The following CENPF variants were observed in gnomAD, a reference collection of about 807,000 sequenced individuals.
The protein encoded by CENPF is AH antigen.
CENPF carries 214 observed loss-of-function variants against 307.3 expected under a neutral mutation model. The observed-to-expected ratio is 0.70, with a 90% CI of 0.62 to 0.78. The LOEUF (loss-of-function observed/expected upper bound fraction) is 0.78. Ranked by LOEUF, CENPF falls within the 30% of genes least tolerant of loss-of-function variation. CENPF has a pLI of 0.00. For synonymous variants in CENPF, 1,259 were observed against 1,270.6 expected, an observed-to-expected ratio of 0.99 and a Z score of 0.19; for missense variants, 3,401 against 3,483.9, an observed-to-expected ratio of 0.98 and a Z score of 0.60.
chr1:214,634,753 C>T (rs2102552459), intron 10 of CENPF, among the ~76,000 whole-genome samples: 1 of 152,314 alleles, frequency 6.6e-6, no homozygotes, highest in African/African-American at 2.4e-5. Flanking sequence ...TGAGATTTCT[C>T]ATATTTATAA....
rs200203293 is a variant in CENPF at position 214,619,122 on chromosome 1, T to A, written c.482-7T>A. On this transcript the variant is annotated splice_polypyrimidine_tract_variant and splice_region_variant and intron_variant, in intron 4 of 19. Transcript: ENST00000366955. Reference sequence around the variant, plus strand: ...AAAGAAAACTGTATTTGATTGTCTGTTTCTAGGTTCCAAGTATGAAGATCT... The same window carrying A: ...AAAGAAAACTGTATTTGATTGTCTGATTCTAGGTTCCAAGTATGAAGATCT... 7 of 1,333,998 alleles carry A rather than the reference T, an allele frequency of 5.2e-6. No homozygotes were observed. The African/African-American group carries it at 8.8e-5, about 17-fold the overall frequency. The allele number at this position is 1,333,998 out of a possible 1,614,324, so 82.6% of individuals were successfully genotyped here.
intron 8 of CENPF, among the ~76,000 whole-genome samples, chr1:214,630,130 A>G (rs1657764731): frequency 6.6e-6 from 1 of 151,304 alleles, no homozygotes; most frequent in Non-Finnish European, 1.5e-5. Context: ...ATTTAAGCCC[A>G]TTTAAAGTGG....
chr1:214,648,478 T>A (rs778255907), intron 13 of CENPF, 197 bp from the exon 14 acceptor site: 12 of 745,400 alleles, frequency 1.6e-5, no homozygotes, highest in Non-Finnish European at 2.9e-5. Flanking sequence ...TATTAAATCT[T>A]TTCTGGGAAG....
chr1:214,629,136 C>G lies in CENPF; in HGVS notation c.1159C>G (p.Gln387Glu), dbSNP rs202217426. ...NAESARCSLEQKIKEKEKEFQ... is the reference protein window; with the variant it reads ...NAESARCSLEEKIKEKEKEFQ... ...AGAAAGTGCCAGATGTTCTCTGGAACAGAAAATTAAGGAAAAAGAAAAGGA... is the reference window on the plus strand; with the variant it reads ...AGAAAGTGCCAGATGTTCTCTGGAAGAGAAAATTAAGGAAAAAGAAAAGGA... The change falls in exon 8 of 20, where the codon CAG becomes GAG. Residue 387 changes from glutamine (Q) to glutamate (E), a missense_variant. Transcript: ENST00000366955. 2.5e-4 allele frequency: 401 copies of G among 1,607,802 alleles called. No individual in the cohort carries two copies. The highest frequency in any genetic ancestry group is 1.2e-3 in the Middle Eastern group (7 of 6,042).
Position 214,663,822 on chromosome 1 carries a change from G to GA in CENPF, c.*29dup. ...GCACTTTGTGTGTCAGTACCCCTGGGAGGTGCCAGTCATTGAATAGATAAG... is the reference window on the plus strand; with the variant it reads ...GCACTTTGTGTGTCAGTACCCCTGGGAAGGTGCCAGTCATTGAATAGATAAG... On this transcript the variant is annotated 3_prime_UTR_variant, in exon 20 of 20. Transcript: ENST00000366955. The GA allele has an allele frequency of 6.3e-7, 1 of 1,585,940 alleles. No individual in the cohort carries two copies. Among genetic ancestry groups the GA allele is most frequent in the Non-Finnish European group, 8.6e-7 (1 of 1,157,614 alleles).
In CENPF at chr1:214,644,880, T is replaced by A. The variant is rs3748693; in HGVS notation, c.5310T>A (p.His1770Gln). ...MDFLGNQEDI[H>Q]NLQLRVKETS... The stretch of plus-strand genomic sequence containing the variant: ...TCCTGGGGAATCAGGAAGATATCCA[T>A]AATCTTCAACTGCGGGTAAAAGAGA... The change falls in exon 13 of 20, where the codon CAT (histidine) becomes CAA (glutamine). Residue 1770 changes from histidine (H) to glutamine (Q), a missense_variant. His to Gln is a conservative substitution (Grantham distance 24). Coordinates refer to ENST00000366955, the MANE Select transcript of CENPF (RefSeq NM_016343.4). The A allele has an allele frequency of 0.12, 186,610 of 1,613,562 alleles. 17,039 individuals carry two copies. Among genetic ancestry groups the A allele is most frequent in the African/African-American group, 0.45 (33,486 of 74,908 alleles).
At chr1:214,634,921 C>T (rs558969871) in intron 10 of CENPF, among the ~76,000 whole-genome samples, 3 of 152,294 alleles carry the variant, frequency 2.0e-5, no homozygotes, top group South Asian at 4.1e-4. Flanking sequence ...ACATGCTGCT[C>T]ACAATGAGAA....
chr1:214,606,559 C>T (rs1334769096), intron 1 of CENPF, among the ~76,000 whole-genome samples: 1 of 152,208 alleles, frequency 6.6e-6, no homozygotes, highest in Non-Finnish European at 1.5e-5. Flanking sequence ...ATGAGGAATT[C>T]AGGCAGCTGT....
At chr1:214,630,147 G>GT (rs1319944309) in intron 8 of CENPF, among the ~76,000 whole-genome samples, 2 of 152,284 alleles carry the variant, frequency 1.3e-5, no homozygotes, top group South Asian at 4.1e-4. Context: ...GTGGTATACA[G>GT]TTTTTTGTGT....
chr1:214,657,672 GA>G (rs1230500565), intron 18 of CENPF, among the ~76,000 whole-genome samples: 1 of 152,136 alleles, frequency 6.6e-6, no homozygotes, highest in Admixed American at 6.5e-5. Context: ...TTTGAATGCT[GA>G]AAAAAATTAT....
Position 214,642,527 on chromosome 1 carries a change from G to T in CENPF, c.4189G>T (p.Asp1397Tyr), listed in dbSNP as rs1224253248. 1 of 1,612,162 alleles carries T rather than the reference G, an allele frequency of 6.2e-7. No individual in the cohort carries two copies. Reference protein sequence around the residue: ...SNSYEHLTLSDKEVQMHFAEL... With the variant: ...SNSYEHLTLSYKEVQMHFAEL... ...TTCCTACGAGCACTTGACATTGTCA[G>T]ACAAAGAAGTTCAAATGCACTTTGC... is the stretch of plus-strand genomic sequence containing the variant. Residue 1397 changes from aspartate (D) to tyrosine (Y), a missense_variant, in exon 12 of 20, where the codon GAC (aspartate) becomes TAC (tyrosine). Transcript: ENST00000366955.
chr1:214,662,056 A>AT (rs1658800087), intron 19 of CENPF, among the ~76,000 whole-genome samples: 1 of 152,178 alleles, frequency 6.6e-6, no homozygotes, highest in Non-Finnish European at 1.5e-5. Flanking sequence ...AGTATCAGAA[A>AT]TTGAGTCTAG....
intron 10 of CENPF, among the ~76,000 whole-genome samples, chr1:214,636,702 C>A (rs923494340): frequency 1.1e-4 from 16 of 152,306 alleles, no homozygotes; most frequent in African/African-American, 3.8e-4. Context: ...TGTTTTCTAA[C>A]AGTGCAGTAG....
rs1308074829 is a variant in CENPF at position 214,640,642 on chromosome 1, A to G, written c.2304A>G (p.Lys768=). ...ATGAGAGCCTCAGGGATCTGCTAAA[A>G]TCCAAAGATGCTTCTCTGGTGACAA... is the stretch of plus-strand genomic sequence containing the variant. ...AEYESLRDLL[K]SKDASLVTNE... is the part of the protein sequence containing the mutation. Residue 768 remains lysine (K), a synonymous_variant, in exon 12 of 20, where the codon AAA becomes AAG. Coordinates refer to ENST00000366955, the MANE Select transcript of CENPF (RefSeq NM_016343.4). 1 of 1,614,148 alleles carries G rather than the reference A, an allele frequency of 6.2e-7. No homozygotes were observed. Among genetic ancestry groups the G allele is most frequent in the South Asian group, 1.1e-5 (1 of 91,076 alleles).
In CENPF at chr1:214,641,706, G is replaced by A. The variant is rs759811640; in HGVS notation, c.3368G>A (p.Ser1123Asn). ...EMTDNQNNSK[S>N]EAGGLKQEIM... ...ACAGATAACCAAAACAATTCTAAGA[G>A]CGAGGCTGGTGGTTTAAAGCAAGAA... Residue 1123 changes from serine (S) to asparagine (N), a missense_variant, in exon 12 of 20, where the codon AGC (serine) becomes AAC (asparagine). By Grantham distance (46) the Ser-to-Asn change is conservative. Transcript: ENST00000366955. 2 of 1,581,518 alleles carry A rather than the reference G, an allele frequency of 1.3e-6. No homozygotes were observed. The highest frequency in any genetic ancestry group is 2.4e-5 in the South Asian group (2 of 84,972).
In CENPF at chr1:214,658,997, A is replaced by G; in HGVS notation, c.9110A>G (p.Lys3037Arg). The change falls in exon 19 of 20, where the codon AAA (lysine) becomes AGA (arginine). Residue 3037 changes from lysine to arginine, a missense_variant. By Grantham distance (26) the Lys-to-Arg change is conservative. Coordinates refer to ENST00000366955, the MANE Select transcript of CENPF (RefSeq NM_016343.4). ...AAAGAAAATCTTGCAGAGTCCTCCA[A>G]ACCAACAGCTGGTGGCAGCAGATCA... is the stretch of plus-strand genomic sequence containing the variant. Reference protein sequence around the residue: ...LGKENLAESSKPTAGGSRSQK... With the variant: ...LGKENLAESSRPTAGGSRSQK... 2 of 1,614,072 alleles carry G rather than the reference A, an allele frequency of 1.2e-6. No homozygotes were observed. The highest frequency in any genetic ancestry group is 1.7e-6 in the Non-Finnish European group (2 of 1,179,988).
Position 214,647,359 on chromosome 1 carries a change from CTTG to C in CENPF, c.7790_7792del (p.Leu2597_Glu2598delinsGln). The stretch of plus-strand genomic sequence containing the variant: ...TTCTTACAAGAATCTAGAGAATGAG[CTTG>C]AATTGACAAAAATGGACAAAATGTC... On this transcript the variant is annotated inframe_deletion, in exon 13 of 20. Coordinates refer to ENST00000366955, the MANE Select transcript of CENPF (RefSeq NM_016343.4). 6.2e-7 allele frequency: 1 copy of C among 1,610,374 alleles called. No individual in the cohort carries two copies. Among genetic ancestry groups the C allele is most frequent in the Non-Finnish European group, 8.5e-7 (1 of 1,178,032 alleles).
rs1462657502 is a variant in CENPF, at chr1:214,642,569, T to G, written c.4231T>G (p.Phe1411Val). The G allele has an allele frequency of 5.0e-6, 8 of 1,610,158 alleles. No individual in the cohort carries two copies. The highest frequency in any genetic ancestry group is 6.8e-6 in the Non-Finnish European group (8 of 1,178,300). ...QMHFAELQEK[F>V]LSLQSEHKIL... Reference sequence around the variant, plus strand: ...GCACTTTGCCGAATTGCAAGAGAAATTCTTATCTTTACAAAGTGAACACAA... The same window carrying G: ...GCACTTTGCCGAATTGCAAGAGAAAGTCTTATCTTTACAAAGTGAACACAA... Residue 1411 changes from phenylalanine (F) to valine (V), a missense_variant, in exon 12 of 20, where the codon TTC (phenylalanine) becomes GTC (valine). Phe to Val is a conservative substitution (Grantham distance 50). Transcript: ENST00000366955.
chr1:214,663,010 C>A (rs1167558536), intron 19 of CENPF, among the ~76,000 whole-genome samples: 1 of 152,172 alleles, frequency 6.6e-6, no homozygotes, highest in Admixed American at 6.5e-5. Context: ...CTCAAATTTT[C>A]TGAGATATCT....
Sources: allele counts gnomAD v4.1 joint callset (sites outside exome capture counted in the v4.1 genomes callset), GRCh38; gene constraint gnomAD v4.1.1; transcripts MANE v1.5; gene names NCBI Gene and HGNC (gene_info 2026-07-23, HGNC 2026-07-21).